Variants in RALGAPA1 observed in about 807,000 individuals in gnomAD.
RALGAPA1 encodes the protein Ral GTPase activating protein catalytic subunit alpha 1.
Under a neutral mutation model 269.6 loss-of-function variants are expected in RALGAPA1, and 52 were observed. That is an observed-to-expected ratio of 0.19 (90% confidence interval 0.15 to 0.24). The LOEUF is 0.24. Ranked by LOEUF, RALGAPA1 falls within the 10% of genes least tolerant of loss-of-function variation. The pLI, the probability that RALGAPA1 is intolerant of heterozygous loss-of-function variation, is 1.00. For synonymous variants in RALGAPA1, 817 were observed against 1,008.3 expected (o/e 0.81, Z 3.60); for missense variants, 1,917 against 3,013.9 (o/e 0.64, Z 8.52).
intron 36 of RALGAPA1, among the ~76,000 whole-genome samples, chr14:35,599,285 C>T (rs2059129053): frequency 1.3e-5 from 2 of 152,158 alleles, no homozygotes; most frequent in South Asian, 4.1e-4. Flanking sequence ...GTCTGCCTTC[C>T]TGATGTTTCA....
intron 27 of RALGAPA1, among the ~76,000 whole-genome samples, chr14:35,661,671 C>T (rs2063545804): frequency 6.6e-6 from 1 of 152,104 alleles, no homozygotes; most frequent in African/African-American, 2.4e-5. Flanking sequence ...AAGCATTTGT[C>T]AGTCATACAA....
chr14:35,553,599 T>G (rs1457234761), intron 39 of RALGAPA1, among the ~76,000 whole-genome samples: 1 of 152,180 alleles, frequency 6.6e-6, no homozygotes, highest in African/African-American at 2.4e-5. Flanking sequence ...AACATTCAGT[T>G]CAAATCTAAT....
intron 1 of RALGAPA1, among the ~76,000 whole-genome samples, chr14:35,793,585 T>TACACACACAA (rs930447746): frequency 1.4e-5 from 2 of 139,796 alleles, no homozygotes; most frequent in African/African-American, 5.9e-5. Flanking sequence ...AGACATTAGA[T>TACACACACAA]ACACACACAA....
chr14:35,575,113 G>A (rs923867375), intron 37 of RALGAPA1, among the ~76,000 whole-genome samples: 1 of 139,780 alleles, frequency 7.2e-6, no homozygotes, highest in Admixed American at 7.5e-5. Flanking sequence ...GTGCGACACA[G>A]TGAGACTCCA....
chr14:35,766,712 C>A (rs1020728000), intron 4 of RALGAPA1: 13 of 566,572 alleles, frequency 2.3e-5, no homozygotes, highest in South Asian at 1.9e-4. Flanking sequence ...AAAATTATTT[C>A]ATCAAAGCAC....
rs558905768 is a variant in RALGAPA1 at position 35,638,477 on chromosome 14, TA to T, written c.5677-2880del. Reference sequence around the variant, plus strand: ...CCAATATAAACACATACAATGGATATAAAAAAAATAAAAAGCAAGAAACAAA... The same window carrying T: ...CCAATATAAACACATACAATGGATATAAAAAAATAAAAAGCAAGAAACAAA... On this transcript the variant is annotated intron_variant, in intron 31 of 41. Coordinates refer to ENST00000680220, the MANE Select transcript of RALGAPA1 (RefSeq NM_001346249.2). 1.7e-3 allele frequency among the ~76,000 whole-genome samples: 260 copies of T among 149,460 alleles called. 1 individual carries two copies. The Middle Eastern group carries it at 0.02, about 12-fold the overall frequency.
intron 15 of RALGAPA1, among the ~76,000 whole-genome samples, chr14:35,722,693 C>T (rs1402503558): frequency 6.6e-6 from 1 of 151,606 alleles, no homozygotes; most frequent in Non-Finnish European, 1.5e-5. Context: ...GGCTACTGCC[C>T]CACTCCCTTT....
chr14:35,597,630 AAG>A (rs1252902665), intron 36 of RALGAPA1, among the ~76,000 whole-genome samples: 2 of 152,198 alleles, frequency 1.3e-5, no homozygotes, highest in African/African-American at 4.8e-5. Context: ...TGATATAGTT[AAG>A]AGAGCATGTT....
intron 17 of RALGAPA1, among the ~76,000 whole-genome samples, chr14:35,693,602 T>G (rs2066671344): frequency 6.6e-6 from 1 of 152,008 alleles, no homozygotes; most frequent in East Asian, 1.9e-4. Flanking sequence ...AAATTATGCT[T>G]GAAAGTATAG....
intron 1 of RALGAPA1, among the ~76,000 whole-genome samples, chr14:35,798,570 A>G (rs2076741456): frequency 6.6e-6 from 1 of 152,222 alleles, no homozygotes; most frequent in Non-Finnish European, 1.5e-5. Context: ...AAAATGTCAC[A>G]TGTATCCCAT....
chr14:35,655,474 C>T (rs1328647612), intron 29 of RALGAPA1, among the ~76,000 whole-genome samples: 1 of 151,672 alleles, frequency 6.6e-6, no homozygotes, highest in African/African-American at 2.4e-5. Flanking sequence ...GATCAAAGAA[C>T]AGTAAGTTAC....
At chr14:35,556,767 T>C (rs2055645226) in intron 39 of RALGAPA1, among the ~76,000 whole-genome samples, 1 of 152,188 alleles carries the variant, frequency 6.6e-6, no homozygotes, top group Admixed American at 6.5e-5. Context: ...CTTCTTTATC[T>C]AAGTCCCATG....
chr14:35,645,214 G>A (rs1315776167), intron 31 of RALGAPA1, among the ~76,000 whole-genome samples: 1 of 152,028 alleles, frequency 6.6e-6, no homozygotes, highest in African/African-American at 2.4e-5. Context: ...CCATTGATGA[G>A]GGCTTCATCC....
chr14:35,717,802 C>T (rs1227692264), intron 16 of RALGAPA1, among the ~76,000 whole-genome samples: 1 of 152,134 alleles, frequency 6.6e-6, no homozygotes, highest in African/African-American at 2.4e-5. Context: ...AAGTGATCCT[C>T]CTGCCTTGGC....
intron 22 of RALGAPA1, among the ~76,000 whole-genome samples, chr14:35,675,239 G>C (rs2064841278): frequency 6.6e-6 from 1 of 152,164 alleles, no homozygotes; most frequent in African/African-American, 2.4e-5. Flanking sequence ...GCAATGGCGT[G>C]ATCTTGACTT....
chr14:35,613,056 A>G (rs1188878154), intron 35 of RALGAPA1, among the ~76,000 whole-genome samples: 1 of 151,798 alleles, frequency 6.6e-6, no homozygotes, highest in African/African-American at 2.4e-5. Context: ...CAATAGTAAA[A>G]GACCAATTTT....
chr14:35,639,676 G>A (rs1485384717), intron 31 of RALGAPA1, among the ~76,000 whole-genome samples: 1 of 152,090 alleles, frequency 6.6e-6, no homozygotes, highest in Non-Finnish European at 1.5e-5. Context: ...GCGGTGGCTC[G>A]TGCCTGTAAT....
At chr14:35,578,026 A>G (rs2057692257) in intron 37 of RALGAPA1, among the ~76,000 whole-genome samples, 1 of 152,122 alleles carries the variant, frequency 6.6e-6, no homozygotes, top group Admixed American at 6.5e-5. Flanking sequence ...AGGTCTTAAA[A>G]GTCTTTTTTC....
At chr14:35,588,919 C>T (rs934628455) in intron 37 of RALGAPA1, among the ~76,000 whole-genome samples, 1 of 152,162 alleles carries the variant, frequency 6.6e-6, no homozygotes, top group African/African-American at 2.4e-5. Flanking sequence ...GAACACTATT[C>T]AACCTTACAA....
Sources: gnomAD v4.1 joint callset for allele counts (sites outside exome capture counted in the v4.1 genomes callset) on GRCh38, gnomAD v4.1.1 for gene constraint, MANE v1.5 for transcripts, NCBI Gene and HGNC (gene_info 2026-07-23, HGNC 2026-07-21) for gene names.